Variants in ANO3 observed in about 807,000 individuals in gnomAD.
ANO3 encodes anoctamin-3.
Under a neutral mutation model 144.8 loss-of-function variants are expected in ANO3, and 99 were observed. The ratio of observed to expected loss-of-function variants is 0.68; its 90% CI spans 0.58 to 0.81. The LOEUF (loss-of-function observed/expected upper bound fraction) is 0.81. Among genes scored for constraint, ANO3 ranks in the 30% least tolerant of loss-of-function variants. The pLI, the probability that ANO3 is intolerant of heterozygous loss-of-function variation, is 0.00. For synonymous variants in ANO3, 414 were observed against 392.6 expected, an observed-to-expected ratio of 1.05 and a Z score of -0.64; for missense variants, 905 against 1,202.2, an observed-to-expected ratio of 0.75 and a Z score of 3.66.
chr11:26,546,729 C>T lies in ANO3; in HGVS notation c.1155-687C>T, dbSNP rs112035275. Among the ~76,000 whole-genome samples the T allele has an allele frequency of 3.2e-3, 491 of 152,090 alleles. 3 individuals carry two copies. The highest frequency in any genetic ancestry group is 7.1e-3 in the South Asian group (34 of 4,816). On this transcript the variant is annotated intron_variant, in intron 11 of 26. Coordinates refer to ENST00000256737, the MANE Select transcript of ANO3 (RefSeq NM_031418.4). ...ATTCATCAACTAGAGGGGAATTAAACGCATTAACTCTCTTAGCATCCTTCG... is the reference window on the plus strand; with the variant it reads ...ATTCATCAACTAGAGGGGAATTAAATGCATTAACTCTCTTAGCATCCTTCG...
At chr11:26,264,927 C>A (rs1853274769) in intron 1 of ANO3, among the ~76,000 whole-genome samples, 2 of 151,656 alleles carry the variant, frequency 1.3e-5, no homozygotes, top group East Asian at 1.9e-4. Flanking sequence ...AGGGGAGACA[C>A]AATCAGCCCA....
At chr11:26,621,545 C>G (rs1346765570) in intron 17 of ANO3, among the ~76,000 whole-genome samples, 2 of 152,112 alleles carry the variant, frequency 1.3e-5, no homozygotes. Context: ...TCAGAATACT[C>G]TATAAAATAG....
upstream of ANO3, chr11:26,332,117 GGGC>G: frequency 6.7e-7 from 1 of 1,486,780 alleles, no homozygotes; most frequent in South Asian, 1.3e-5. Context: ...CGACACCGGC[GGGC>G]GCGTAGCCTG....
At chr11:26,246,624 CTATAT>C (rs1385370193) in intron 1 of ANO3, among the ~76,000 whole-genome samples, 2 of 149,344 alleles carry the variant, frequency 1.3e-5, no homozygotes, top group Non-Finnish European at 2.9e-5. Context: ...TATGTTGTTA[CTATAT>C]TATAATAATT....
At chr11:26,371,221 T>C (rs2133938185) in intron 1 of ANO3, among the ~76,000 whole-genome samples, 1 of 152,318 alleles carries the variant, frequency 6.6e-6, no homozygotes, top group Non-Finnish European at 1.5e-5. Context: ...CCAAGGTACA[T>C]CTTGAGCCAT....
chr11:26,578,697 A>G (rs1013504456), intron 14 of ANO3, among the ~76,000 whole-genome samples: 5 of 152,210 alleles, frequency 3.3e-5, no homozygotes, highest in Non-Finnish European at 4.4e-5. Flanking sequence ...CCACTTGTGC[A>G]TGTTCACAGG....
intron 13 of ANO3, chr11:26,559,496 G>C: frequency 2.0e-6 from 1 of 494,132 alleles, no homozygotes. Flanking sequence ...GGAATCAAGA[G>C]AGGAGAGAAG....
intron 5 of ANO3, among the ~76,000 whole-genome samples, chr11:26,514,281 G>A (rs1464129058): frequency 6.6e-6 from 1 of 152,030 alleles, no homozygotes; most frequent in Non-Finnish European, 1.5e-5. Context: ...AAGATGAATT[G>A]AGTAGACAAA....
intron 1 of ANO3, among the ~76,000 whole-genome samples, chr11:26,437,785 A>G (rs1565024371): frequency 6.6e-6 from 1 of 152,234 alleles, no homozygotes; most frequent in South Asian, 2.1e-4. Flanking sequence ...GAGAACATAC[A>G]TAAGTCTGAT....
rs530545014 is a variant in ANO3 at position 26,363,491 on chromosome 11, GCACAT to G, written c.46+31172_46+31176del. Among the ~76,000 whole-genome samples the G allele has an allele frequency of 1.9e-4, 29 of 152,174 alleles. 1 individual carries two copies. The highest frequency in any genetic ancestry group is 7.2e-4 in the Admixed American group (11 of 15,274). On this transcript the variant is annotated intron_variant, in intron 1 of 26. Transcript: ENST00000256737. ...TCACATGTCCTTTTCCTCTGTGTAT[GCACAT>G]CCCTTGGTGTCTGTTCCTCTTATCA...
At chr11:26,338,065 A>C (rs1590271749) in intron 1 of ANO3, among the ~76,000 whole-genome samples, 1 of 152,048 alleles carries the variant, frequency 6.6e-6, no homozygotes, top group South Asian at 2.1e-4. Flanking sequence ...TTTCTGAGCA[A>C]AGTTTCAGGA....
chr11:26,230,797 C>CAAAAAA (rs1168180646), intron 1 of ANO3, among the ~76,000 whole-genome samples: 18 of 11,326 alleles, frequency 1.6e-3, no homozygotes, highest in Non-Finnish European at 3.2e-3. Flanking sequence ...ACTCCATCTC[C>CAAAAAA]AAAAAAAAAA....
chr11:26,660,146 A>G, intron 26 of ANO3, 116 bp from the exon 27 acceptor site: 1 of 851,020 alleles, frequency 1.2e-6, no homozygotes, highest in African/African-American at 1.7e-5. Flanking sequence ...TAAATGGTAC[A>G]TACTAAGTTC....
chr11:26,584,458 G>T (rs1220173118), intron 14 of ANO3, among the ~76,000 whole-genome samples: 1 of 152,060 alleles, frequency 6.6e-6, no homozygotes, highest in Non-Finnish European at 1.5e-5. Flanking sequence ...TTGCCAATGA[G>T]ATTCCTTGAA....
At chr11:26,534,394 G>T in intron 8 of ANO3, 62 bp from the exon 9 acceptor site, 1 of 1,105,022 alleles carries the variant, frequency 9.0e-7, no homozygotes, top group Non-Finnish European at 1.3e-6. Context: ...AATGGAACTT[G>T]TAACTATTGC....
chr11:26,374,332 G>A (rs765962821), intron 1 of ANO3, among the ~76,000 whole-genome samples: 2 of 152,134 alleles, frequency 1.3e-5, no homozygotes, highest in African/African-American at 2.4e-5. Flanking sequence ...CATGGTCAGG[G>A]CAAAGAGAGC....
At chr11:26,323,937 C>A (rs970585404) in intron 1 of ANO3, among the ~76,000 whole-genome samples, 1 of 152,222 alleles carries the variant, frequency 6.6e-6, no homozygotes, top group Non-Finnish European at 1.5e-5. Flanking sequence ...CTTAGAAACA[C>A]AGTAGCTGTG....
At chr11:26,244,438 AT>A (rs1852737383) in intron 1 of ANO3, among the ~76,000 whole-genome samples, 1 of 152,140 alleles carries the variant, frequency 6.6e-6, no homozygotes, top group African/African-American at 2.4e-5. Context: ...TCTTTGGATT[AT>A]TTTTATACCA....
At chr11:26,400,878 A>T (rs747146059) in intron 1 of ANO3, among the ~76,000 whole-genome samples, 1 of 151,698 alleles carries the variant, frequency 6.6e-6, no homozygotes, top group East Asian at 1.9e-4. Flanking sequence ...ACACACAAAC[A>T]TATATATATA....
Sources: gnomAD v4.1 joint callset for allele counts (sites outside exome capture counted in the v4.1 genomes callset) on GRCh38, gnomAD v4.1.1 for gene constraint, MANE v1.5 for transcripts, NCBI Gene and HGNC (gene_info 2026-07-23, HGNC 2026-07-21) for gene names.